FBN1: variants seen among roughly 807,000 people sequenced by gnomAD.
FBN1 encodes the protein fibrillin-1.
A neutral mutation model predicts 365.1 loss-of-function variants in FBN1; 29 were observed. The observed-to-expected ratio is 0.08, with a 90% CI of 0.06 to 0.11. The LOEUF is 0.11. FBN1 is among the 10% of genes least tolerant of loss of function. FBN1 has a pLI of 1.00. For synonymous variants in FBN1, 1,210 were observed against 1,270.5 expected, an observed-to-expected ratio of 0.95 and a Z score of 1.01; for missense variants, 2,476 against 3,703.2, an observed-to-expected ratio of 0.67 and a Z score of 8.60.
chr15:48,478,320 T>A (rs1017254968), intron 32 of FBN1, among the ~76,000 whole-genome samples: 5 of 152,176 alleles, frequency 3.3e-5, no homozygotes, highest in African/African-American at 9.7e-5. Context: ...TCTCACTGAC[T>A]GTTGGTGGTT....
rs2288303 is a variant in FBN1, at chr15:48,434,353, T to C, written c.6616+241A>G. 0.029 allele frequency among the ~76,000 whole-genome samples: 4,392 copies of C among 152,250 alleles called. 97 individuals carry two copies. Among genetic ancestry groups the C allele is most frequent in the East Asian group, 0.082 (424 of 5,172 alleles). On this transcript the variant is annotated intron_variant, in intron 54 of 65. Transcript: ENST00000316623. ...AATATAAGTGGTAGGGAAACACCAATGAGAACTCTCTGTGATATACAGTGT... is the reference window on the plus strand; with the variant it reads ...AATATAAGTGGTAGGGAAACACCAACGAGAACTCTCTGTGATATACAGTGT...
Position 48,463,104 on chromosome 15 carries a change from T to C in FBN1, c.5202A>G (p.Glu1734=). Residue 1734 remains glutamate, a synonymous_variant, in exon 42 of 66, where the codon GAA becomes GAG. Coordinates refer to ENST00000316623, the MANE Select transcript of FBN1 (RefSeq NM_000138.5). ...NIGRAWNKPC[E]QCPIPSTDEF... ...CACCTGTACTTGGGATGGGACACTG[T>C]TCACAGGGCTTGTTCCACGCCCGGC... 3 of 1,614,130 alleles carry C rather than the reference T, an allele frequency of 1.9e-6. No individual in the cohort carries two copies. Among genetic ancestry groups the C allele is most frequent in the Non-Finnish European group, 2.5e-6 (3 of 1,179,944 alleles).
At position 48,446,703 on chromosome 15, in the gene FBN1, C is replaced by T. The variant is rs765210997; in HGVS notation, c.5788+3G>A. The T allele has an allele frequency of 1.3e-6, 2 of 1,585,736 alleles. No individual in the cohort carries two copies. Among genetic ancestry groups the T allele is most frequent in the South Asian group, 1.1e-5 (1 of 90,540 alleles). On this transcript the variant is annotated splice_donor_region_variant and intron_variant, in intron 47 of 65. Transcript: ENST00000316623. ...TTGCTGATGCACAATTTTGCACACGCACCTATACAGTCATTGTTGTGAGAA... is the reference window on the plus strand; with the variant it reads ...TTGCTGATGCACAATTTTGCACACGTACCTATACAGTCATTGTTGTGAGAA...
At position 48,473,302 on chromosome 15, in the gene FBN1, A is replaced by G. The variant is rs1420517447; in HGVS notation, c.4211-626T>C. On this transcript the variant is annotated intron_variant, in intron 34 of 65. Coordinates refer to ENST00000316623, the MANE Select transcript of FBN1 (RefSeq NM_000138.5). ...AATCACTTAATGAGCCTTAGCCTCT[A>G]TTGTGCTTAAATGACTTTTTATGAA... Among the ~76,000 whole-genome samples the G allele has an allele frequency of 2.0e-5, 3 of 152,232 alleles. No individual in the cohort carries two copies. In the South Asian group the frequency reaches 6.2e-4, roughly 31 times the overall value.
chr15:48,563,489 A>G (rs1015491437), intron 6 of FBN1, among the ~76,000 whole-genome samples: 3 of 152,198 alleles, frequency 2.0e-5, no homozygotes, highest in African/African-American at 7.2e-5. Context: ...GAGAAGCCAT[A>G]TTTCACCAGG....
chr15:48,532,027 C>CT (rs1453764053), intron 8 of FBN1, among the ~76,000 whole-genome samples: 1 of 152,188 alleles, frequency 6.6e-6, no homozygotes, highest in African/African-American at 2.4e-5. Flanking sequence ...AAGTAATAGA[C>CT]TGAGTTTTTG....
intron 35 of FBN1, 72 bp downstream of exon 35, chr15:48,472,479 G>T: frequency 4.3e-6 from 5 of 1,171,256 alleles, no homozygotes; most frequent in Non-Finnish European, 6.0e-6. Flanking sequence ...AAAAAAAAAA[G>T]CATCAGGAAT....
At chr15:48,600,110 T>C (rs751522849) in intron 5 of FBN1, 29 bp downstream of exon 5, 7 of 1,495,384 alleles carry the variant, frequency 4.7e-6, no homozygotes, top group Admixed American at 1.7e-5. Flanking sequence ...GGTTAACATC[T>C]AGAATACTTA....
At chr15:48,640,411 A>G (rs986451371) in intron 2 of FBN1, among the ~76,000 whole-genome samples, 1 of 152,198 alleles carries the variant, frequency 6.6e-6, no homozygotes, top group Admixed American at 6.5e-5. Context: ...ATATTTAATT[A>G]TTAGCCCATC....
chr15:48,601,854 T>A (rs1333597956), intron 4 of FBN1, among the ~76,000 whole-genome samples: 1 of 152,134 alleles, frequency 6.6e-6, no homozygotes, highest in Non-Finnish European at 1.5e-5. Flanking sequence ...TGAAACACCA[T>A]CAAAGGCCTG....
At chr15:48,479,503 T>C (rs1367727139) in intron 32 of FBN1, among the ~76,000 whole-genome samples, 3 of 152,192 alleles carry the variant, frequency 2.0e-5, no homozygotes, top group South Asian at 4.1e-4. Context: ...AAAACTCAAG[T>C]CTTCCTACAG....
At chr15:48,586,764 T>C (rs979437597) in intron 6 of FBN1, among the ~76,000 whole-genome samples, 2 of 152,190 alleles carry the variant, frequency 1.3e-5, no homozygotes, top group African/African-American at 4.8e-5. Context: ...CAAATATTTA[T>C]CTTTAAAATG....
intron 23 of FBN1, 70 bp from the exon 24 acceptor site, chr15:48,492,656 A>G (rs936057631): frequency 1.7e-6 from 2 of 1,211,756 alleles, no homozygotes; most frequent in East Asian, 2.6e-5. Flanking sequence ...CTACTCATAG[A>G]GTCATAATTA....
intron 62 of FBN1, 35 bp from the exon 63 acceptor site, chr15:48,420,841 C>G: frequency 6.2e-7 from 1 of 1,611,908 alleles, no homozygotes; most frequent in South Asian, 1.1e-5. Context: ...GATGCCAACT[C>G]AACATCTCTC....
chr15:48,488,308 TAAA>T, intron 26 of FBN1, 57 bp downstream of exon 26: 1 of 1,356,456 alleles, frequency 7.4e-7, no homozygotes, highest in South Asian at 1.2e-5. Context: ...GACAATATGT[TAAA>T]GATAAAGAGT....
chr15:48,524,587 C>T (rs1018922848), intron 9 of FBN1, among the ~76,000 whole-genome samples: 1 of 152,032 alleles, frequency 6.6e-6, no homozygotes, highest in African/African-American at 2.4e-5. Context: ...AAAGAAGAAA[C>T]GGGGCTTGCC....
chr15:48,461,360 C>T (rs934267372), intron 42 of FBN1, among the ~76,000 whole-genome samples: 1 of 152,088 alleles, frequency 6.6e-6, no homozygotes, highest in African/African-American at 2.4e-5. Flanking sequence ...TGTTAGTCTA[C>T]ATTAAGGGTT....
At chr15:48,441,010 G>A (rs946115303) in intron 50 of FBN1, among the ~76,000 whole-genome samples, 5 of 151,784 alleles carry the variant, frequency 3.3e-5, no homozygotes, top group Admixed American at 6.6e-5. Context: ...TCCCTTCCCC[G>A]GAATTCATGA....
At position 48,513,626 on chromosome 15, in the gene FBN1, C is replaced by A. The variant is rs1156747241; in HGVS notation, c.1511G>T (p.Cys504Phe). 6.2e-7 allele frequency: 1 copy of A among 1,613,980 alleles called. No individual in the cohort carries two copies. Among genetic ancestry groups the A allele is most frequent in the Non-Finnish European group, 8.5e-7 (1 of 1,179,884 alleles). ...GGTGTACGAACCCTGGTTGTTAATA[C>A]ACTCACCACCAGCACAGGGGTTTTT... ...CEKNPCAGGE[C>F]INNQGSYTCQ... Residue 504 changes from cysteine to phenylalanine, a missense_variant, in exon 13 of 66, where the codon TGT (cysteine) becomes TTT (phenylalanine). By Grantham distance (205) the Cys-to-Phe change is radical (BLOSUM62 -2). Transcript: ENST00000316623.
Sources: gnomAD v4.1 joint callset for allele counts (sites outside exome capture counted in the v4.1 genomes callset) on GRCh38, gnomAD v4.1.1 for gene constraint, MANE v1.5 for transcripts, NCBI Gene and HGNC (gene_info 2026-07-23, HGNC 2026-07-21) for gene names.